The following MACROH2A2 variants were observed in gnomAD, a reference collection of about 807,000 sequenced individuals.
MACROH2A2 encodes the protein macroH2A.2 histone, also known as core histone macro-H2A.2.
MACROH2A2 carries 6 observed loss-of-function variants against 37.6 expected under a neutral mutation model. That is an observed-to-expected ratio of 0.16 (90% confidence interval 0.09 to 0.32). The LOEUF (loss-of-function observed/expected upper bound fraction) is 0.32, where lower values mean the gene tolerates loss of function less well. MACROH2A2 is among the 10% of genes least tolerant of loss of function. The pLI, the probability that MACROH2A2 is intolerant of heterozygous loss-of-function variation, is 1.00. For synonymous variants in MACROH2A2, 192 were observed against 202.7 expected, an observed-to-expected ratio of 0.95 and a Z score of 0.45; for missense variants, 290 against 485.9, an observed-to-expected ratio of 0.60 and a Z score of 3.79.
rs150279378 is a variant in MACROH2A2 at position 70,084,982 on chromosome 10, C to T, written c.173-5078C>T. 4.4e-3 allele frequency among the ~76,000 whole-genome samples: 664 copies of T among 152,202 alleles called. 5 individuals are homozygous for T. Among genetic ancestry groups the T allele is most frequent in the African/African-American group, 0.015 (631 of 41,528 alleles). ...ATCTGGAGAACAACAAAACTAGGGACGGGGAAACCATCTAGACACTCAATA... is the reference window on the plus strand; with the variant it reads ...ATCTGGAGAACAACAAAACTAGGGATGGGGAAACCATCTAGACACTCAATA... On this transcript the variant is annotated intron_variant, in intron 2 of 8. Transcript: ENST00000373255.
At chr10:70,063,553 C>T (rs921120259) in intron 1 of MACROH2A2, among the ~76,000 whole-genome samples, 1 of 152,192 alleles carries the variant, frequency 6.6e-6, no homozygotes, top group African/African-American at 2.4e-5. Context: ...TTTAACACGA[C>T]ATTATTACTC....
chr10:70,070,535 C>A (rs1401239703), intron 1 of MACROH2A2, among the ~76,000 whole-genome samples: 1 of 152,058 alleles, frequency 6.6e-6, no homozygotes, highest in Non-Finnish European at 1.5e-5. Context: ...TGTCGTTGCC[C>A]AGCAGGAGTG....
rs893713450 is a variant in MACROH2A2 at position 70,093,657 on chromosome 10, C to T, written c.478-78C>T. On this transcript the variant is annotated intron_variant, in intron 4 of 8. Transcript: ENST00000373255. ...CTTTCATATTCAACTTGGTGGCAGC[C>T]GTGAGAAGAGCTTAATAAAGGCACC... is the stretch of plus-strand genomic sequence containing the variant. The T allele has an allele frequency of 2.6e-5, 19 of 736,986 alleles. 1 individual carries two copies. The highest frequency in any genetic ancestry group is 1.3e-4 in the Admixed American group (6 of 46,668). The allele number at this position is 736,986 out of a possible 1,614,324, so 45.7% of individuals were successfully genotyped here.
Position 70,075,525 on chromosome 10 carries a change from G to A in MACROH2A2, c.-59-75G>A. On this transcript the variant is annotated intron_variant, in intron 1 of 8. Coordinates refer to ENST00000373255, the MANE Select transcript of MACROH2A2 (RefSeq NM_018649.3). The surrounding 1 kb of genome is among the most constrained non-coding windows in gnomAD (Gnocchi z 5.0). The stretch of plus-strand genomic sequence containing the variant: ...GGGCAGTCAGAGGTGTCACAGTGGT[G>A]CCCAAGGGCCATGCCACTGTGCCCA... 6.1e-6 allele frequency: 5 copies of A among 820,110 alleles called. No homozygotes were observed. The highest frequency in any genetic ancestry group is 1.0e-5 in the Non-Finnish European group (5 of 501,986). The allele number at this position is 820,110 out of a possible 1,614,324, so 50.8% of individuals were successfully genotyped here.
At position 70,100,389 on chromosome 10, in the gene MACROH2A2, T is replaced by C. The variant is rs916162033; in HGVS notation, c.778+92T>C. 1.0e-5 allele frequency: 7 copies of C among 684,880 alleles called. No homozygotes were observed. In the Admixed American group the frequency reaches 1.0e-4, roughly 10 times the overall value. The allele number at this position is 684,880 out of a possible 1,614,324, so 42.4% of individuals were successfully genotyped here. A position where few individuals can be genotyped will look rare whatever the true frequency, so the allele number is the denominator to read the frequency against. ...ACGTGCCTCATGCCTATTCAGCTTA[T>C]GAGTCAAAGTATGCCATAACTAATC... is the stretch of plus-strand genomic sequence containing the variant. On this transcript the variant is annotated intron_variant, in intron 7 of 8. Coordinates refer to ENST00000373255, the MANE Select transcript of MACROH2A2 (RefSeq NM_018649.3).
At chr10:70,077,965 T>C (rs1329735004) in intron 2 of MACROH2A2, among the ~76,000 whole-genome samples, 2 of 152,162 alleles carry the variant, frequency 1.3e-5, no homozygotes, top group African/African-American at 4.8e-5. Context: ...GATGGGGAAC[T>C]AGGACTCCCT....
rs2072355778 is a variant in MACROH2A2 at position 70,109,216 on chromosome 10, C to A, written c.953+9C>A. ...CCTTTCCCCAGCGGCAGGTAAGATG[C>A]AGTTCCCCTGAGTTGATTCCTCCGG... On this transcript the variant is annotated intron_variant, in intron 8 of 8. Transcript: ENST00000373255. 1 of 1,610,642 alleles carries A rather than the reference C, an allele frequency of 6.2e-7. No individual in the cohort carries two copies. Among genetic ancestry groups the A allele is most frequent in the Non-Finnish European group, 8.5e-7 (1 of 1,177,384 alleles).
chr10:70,057,313 C>T (rs528007369), intron 1 of MACROH2A2, among the ~76,000 whole-genome samples: 162 of 151,050 alleles, frequency 1.1e-3, no homozygotes, highest in Non-Finnish European at 1.9e-3. Flanking sequence ...TGAGCACGTT[C>T]CCTTCCAAGC....
At position 70,087,442 on chromosome 10, in the gene MACROH2A2, A is replaced by G. The variant is rs564437193; in HGVS notation, c.173-2618A>G. On this transcript the variant is annotated intron_variant, in intron 2 of 8. Transcript: ENST00000373255. ...GAGACGGGGTTTCACCATGTTGGCC[A>G]GTCTGGTCTCGAACTCCTGACCTCA... Among the ~76,000 whole-genome samples, 119 of 152,008 alleles carry G rather than the reference A, an allele frequency of 7.8e-4. No homozygotes were observed. In the East Asian group the frequency reaches 0.011, roughly 15 times the overall value.
chr10:70,076,153 A>G (rs960349599), intron 2 of MACROH2A2, among the ~76,000 whole-genome samples: 4 of 152,356 alleles, frequency 2.6e-5, no homozygotes, highest in African/African-American at 9.6e-5. Flanking sequence ...AAGCTCCTGA[A>G]GAAAATAAAC....
chr10:70,064,273 G>A (rs1409196026), intron 1 of MACROH2A2, among the ~76,000 whole-genome samples: 1 of 152,178 alleles, frequency 6.6e-6, no homozygotes, highest in Non-Finnish European at 1.5e-5. Context: ...GGAAGCTGAG[G>A]CAGGGAGAAT....
chr10:70,082,443 G>GAA (rs1241542301), intron 2 of MACROH2A2, among the ~76,000 whole-genome samples: 1 of 151,072 alleles, frequency 6.6e-6, no homozygotes, highest in East Asian at 1.9e-4. Context: ...AAAAAGAAAA[G>GAA]AAAGAAAGAA....
rs146280738 is a variant in MACROH2A2 at position 70,097,314 on chromosome 10, G to C, written c.688+1561G>C. Among the ~76,000 whole-genome samples, 62 of 152,276 alleles carry C rather than the reference G, an allele frequency of 4.1e-4. No homozygotes were observed. In the East Asian group the frequency reaches 0.011, roughly 28 times the overall value. ...AACCTCCGTTTCCTCCTCTGTAAGGGAGGATAGCAATAGTACCTGTCCCAT... is the reference window on the plus strand; with the variant it reads ...AACCTCCGTTTCCTCCTCTGTAAGGCAGGATAGCAATAGTACCTGTCCCAT... On this transcript the variant is annotated intron_variant, in intron 6 of 8. Coordinates refer to ENST00000373255, the MANE Select transcript of MACROH2A2 (RefSeq NM_018649.3).
intron 7 of MACROH2A2, among the ~76,000 whole-genome samples, chr10:70,105,992 A>G (rs1238735392): frequency 6.6e-6 from 1 of 152,134 alleles, no homozygotes; most frequent in African/African-American, 2.4e-5. Context: ...AGAGAAGAGC[A>G]CTGGGCCCAG....
rs951337009 is a variant in MACROH2A2, at chr10:70,098,470, G to A, written c.689-1738G>A. ...TGATTTCGGATCCAAATCAGTCCAC[G>A]CACTGCAGTTGGTTGATGAGTCTCT... On this transcript the variant is annotated intron_variant, in intron 6 of 8. Transcript: ENST00000373255. 4 of 152,068 alleles carry A rather than the reference G, an allele frequency of 2.6e-5. No homozygotes were observed. The East Asian group carries it at 5.8e-4, about 22-fold the overall frequency. The allele number at this position is 152,068 out of a possible 1,614,324, so 9.4% of individuals were successfully genotyped here.
chr10:70,075,923 C>A lies in MACROH2A2; in HGVS notation c.172+93C>A. Reference sequence around the variant, plus strand: ...GGCTGGGGAGGGATGCTCCAAATTGCCTTTTGGCTGGCTCAAGGCTACTGT... The same window carrying A: ...GGCTGGGGAGGGATGCTCCAAATTGACTTTTGGCTGGCTCAAGGCTACTGT... On this transcript the variant is annotated intron_variant, in intron 2 of 8. Coordinates refer to ENST00000373255, the MANE Select transcript of MACROH2A2 (RefSeq NM_018649.3). This position sits in a 1 kb window ranked among gnomAD's most constrained non-coding sequence, Gnocchi z 5.0. 9.0e-7 allele frequency: 1 copy of A among 1,105,624 alleles called. No homozygotes were observed. The highest frequency in any genetic ancestry group is 1.5e-5 in the South Asian group (1 of 67,794). The allele number at this position is 1,105,624 out of a possible 1,614,324, so 68.5% of individuals were successfully genotyped here.
At chr10:70,091,213 T>C (rs1046039869) in intron 3 of MACROH2A2, among the ~76,000 whole-genome samples, 11 of 152,384 alleles carry the variant, frequency 7.2e-5, no homozygotes, top group African/African-American at 2.6e-4. Flanking sequence ...TTTCAACTTC[T>C]GTGTCCCTTC....
chr10:70,071,626 A>G (rs895499706), intron 1 of MACROH2A2, among the ~76,000 whole-genome samples: 10 of 152,336 alleles, frequency 6.6e-5, no homozygotes, highest in Admixed American at 6.5e-4. Context: ...AACAGCATAG[A>G]GTGGACTTCA....
rs2071990009 is a variant in MACROH2A2, at chr10:70,053,569, G to A, written c.-60+569G>A. Among the ~76,000 whole-genome samples the A allele has an allele frequency of 1.3e-5, 2 of 151,746 alleles. No homozygotes were observed. Among genetic ancestry groups the A allele is most frequent in the African/African-American group, 2.4e-5 (1 of 41,398 alleles). On this transcript the variant is annotated intron_variant, in intron 1 of 8. Coordinates refer to ENST00000373255, the MANE Select transcript of MACROH2A2 (RefSeq NM_018649.3). The surrounding 1 kb of genome is among the most constrained non-coding windows in gnomAD (Gnocchi z 4.8). The stretch of plus-strand genomic sequence containing the variant: ...GCGGAGGTTAGGGACCCGAGTCCGG[G>A]GGCGGGCCGCGCCGGGGAAGGTCAG...
Sources: allele counts gnomAD v4.1 joint callset (sites outside exome capture counted in the v4.1 genomes callset), GRCh38; gene constraint gnomAD v4.1.1; non-coding constraint Gnocchi (gnomAD v3.1); transcripts MANE v1.5; gene names NCBI Gene and HGNC (gene_info 2026-07-23, HGNC 2026-07-21).